Variants in SNTG1 observed in about 807,000 individuals in gnomAD.
SNTG1 encodes the protein gamma-1-syntrophin.
SNTG1 carries 39 observed loss-of-function variants against 74.7 expected under a neutral mutation model. That is an observed-to-expected ratio of 0.52 (90% CI 0.40 to 0.68). SNTG1 has a LOEUF of 0.68. Ranked by LOEUF, SNTG1 falls within the 30% of genes least tolerant of loss-of-function variation. The probability of loss-of-function intolerance (pLI) is 0.00; values close to 1 mark genes in which losing one functional copy is unlikely to be tolerated. For missense variants in SNTG1, 685 were observed against 609.5 expected, an observed-to-expected ratio of 1.12 and a Z score of -1.30; for synonymous variants, 254 against 217.1, an observed-to-expected ratio of 1.17 and a Z score of -1.49.
intron 17 of SNTG1, among the ~76,000 whole-genome samples, chr8:50,737,700 G>T (rs557783311): frequency 1.2e-4 from 19 of 152,070 alleles, no homozygotes; most frequent in Non-Finnish European, 2.8e-4. Context: ...ACATCAAAAA[G>T]CTTGTCCACC....
intron 18 of SNTG1, among the ~76,000 whole-genome samples, chr8:50,782,509 C>T (rs1187567883): frequency 1.3e-5 from 2 of 152,200 alleles, no homozygotes; most frequent in Admixed American, 1.3e-4. Context: ...GCTCCTGAGG[C>T]TTCTGCATTC....
chr8:50,172,270 T>C (rs1040920922), intron 1 of SNTG1, among the ~76,000 whole-genome samples: 7 of 152,234 alleles, frequency 4.6e-5, no homozygotes, highest in East Asian at 3.9e-4. Flanking sequence ...AAATGAAATA[T>C]CCTCTGGTAC....
intron 17 of SNTG1, among the ~76,000 whole-genome samples, chr8:50,739,217 G>GA (rs1385981980): frequency 6.6e-6 from 1 of 151,528 alleles, no homozygotes; most frequent in African/African-American, 2.4e-5. Flanking sequence ...AAATTTACAA[G>GA]AAAAAAACAA....
intron 2 of SNTG1, among the ~76,000 whole-genome samples, chr8:50,233,663 A>G (rs2085744809): frequency 6.6e-6 from 1 of 151,692 alleles, no homozygotes; most frequent in Non-Finnish European, 1.5e-5. Context: ...AACCTGATAA[A>G]GAGCCCATAT....
At chr8:50,543,711 G>T (rs889899261) in intron 11 of SNTG1, among the ~76,000 whole-genome samples, 1 of 152,076 alleles carries the variant, frequency 6.6e-6, no homozygotes, top group African/African-American at 2.4e-5. Flanking sequence ...ATGCTAAAAA[G>T]TGCAATGAAT....
At chr8:50,327,135 C>T (rs1327970012) in intron 2 of SNTG1, among the ~76,000 whole-genome samples, 1 of 151,902 alleles carries the variant, frequency 6.6e-6, no homozygotes, top group Non-Finnish European at 1.5e-5. Flanking sequence ...TGTTAATGTC[C>T]CATGTGAGCT....
At chr8:50,779,078 C>A (rs950113286) in intron 18 of SNTG1, among the ~76,000 whole-genome samples, 2 of 152,102 alleles carry the variant, frequency 1.3e-5, no homozygotes, top group Admixed American at 6.5e-5. Flanking sequence ...GTTTTGGTAC[C>A]AGTACCATGC....
chr8:50,408,612 G>T (rs1198607088), intron 4 of SNTG1, among the ~76,000 whole-genome samples: 1 of 152,152 alleles, frequency 6.6e-6, no homozygotes, highest in Non-Finnish European at 1.5e-5. Flanking sequence ...AGTGAGATGT[G>T]AGCCCAGGTA....
intron 1 of SNTG1, among the ~76,000 whole-genome samples, chr8:49,976,035 G>A (rs974661859): frequency 3.4e-4 from 52 of 152,046 alleles, no homozygotes; most frequent in Non-Finnish European, 8.8e-5. Context: ...AACTGTGATA[G>A]AGAAAGAATT....
chr8:49,966,736 A>G (rs1160262045), intron 1 of SNTG1, among the ~76,000 whole-genome samples: 1 of 152,124 alleles, frequency 6.6e-6, no homozygotes, highest in Non-Finnish European at 1.5e-5. Flanking sequence ...TAACCTATGG[A>G]AATAATTTAT....
chr8:50,653,195 G>A (rs1181623008), intron 13 of SNTG1, among the ~76,000 whole-genome samples: 1 of 151,908 alleles, frequency 6.6e-6, no homozygotes, highest in Non-Finnish European at 1.5e-5. Context: ...TGCAATCCCA[G>A]CACTTTAAAA....
chr8:49,918,640 G>A (rs562649234), intron 1 of SNTG1, among the ~76,000 whole-genome samples: 1 of 152,198 alleles, frequency 6.6e-6, no homozygotes, highest in Admixed American at 6.5e-5. Context: ...GGTGATGTAA[G>A]TCCACACACC....
chr8:50,016,577 GTAT>G (rs1816336808), intron 1 of SNTG1, among the ~76,000 whole-genome samples: 1 of 152,086 alleles, frequency 6.6e-6, no homozygotes, highest in African/African-American at 2.4e-5. Context: ...CCACTGCACT[GTAT>G]GTTCATTAGC....
chr8:50,639,532 T>A (rs1585923495), intron 13 of SNTG1, among the ~76,000 whole-genome samples: 1 of 152,146 alleles, frequency 6.6e-6, no homozygotes, highest in East Asian at 1.9e-4. Flanking sequence ...TTTTCAAATA[T>A]ATATTTGCCT....
At position 50,396,170 on chromosome 8, in the gene SNTG1, C is replaced by A. The variant is rs11988109; in HGVS notation, c.27+1905C>A. 9.3e-3 allele frequency among the ~76,000 whole-genome samples: 1,422 copies of A among 152,154 alleles called. 28 individuals are homozygous for A. Among genetic ancestry groups the A allele is most frequent in the African/African-American group, 0.032 (1,348 of 41,478 alleles). ...ATACTAGCTCTTGTAAATTAGTAAT[C>A]CTTAGTACTGAAAAGAGTGACAACC... On this transcript the variant is annotated intron_variant, in intron 3 of 18. Coordinates refer to ENST00000642720, the MANE Select transcript of SNTG1 (RefSeq NM_018967.5).
intron 17 of SNTG1, among the ~76,000 whole-genome samples, chr8:50,714,206 G>A (rs2095469711): frequency 6.6e-6 from 1 of 151,898 alleles, no homozygotes; most frequent in Admixed American, 6.6e-5. Context: ...ATCTGTTTTG[G>A]TACCAGTAAC....
intron 13 of SNTG1, among the ~76,000 whole-genome samples, chr8:50,651,326 A>G (rs1023081861): frequency 2.6e-5 from 4 of 151,780 alleles, no homozygotes; most frequent in African/African-American, 9.7e-5. Context: ...TTCCTGGATT[A>G]CAGATGTTGA....
At chr8:50,173,728 G>T (rs747203466) in intron 2 of SNTG1, among the ~76,000 whole-genome samples, 2 of 152,166 alleles carry the variant, frequency 1.3e-5, no homozygotes, top group Non-Finnish European at 2.9e-5. Context: ...AAGCCACATT[G>T]TGCTGTTTCT....
chr8:50,515,614 G>A (rs1185045056), intron 9 of SNTG1, among the ~76,000 whole-genome samples: 3 of 152,034 alleles, frequency 2.0e-5, no homozygotes, highest in Admixed American at 1.3e-4. Flanking sequence ...AAGCTTGATG[G>A]GGGGAAGGGC....
Sources: allele counts gnomAD v4.1 joint callset (sites outside exome capture counted in the v4.1 genomes callset), GRCh38; gene constraint gnomAD v4.1.1; transcripts MANE v1.5; gene names NCBI Gene and HGNC (gene_info 2026-07-23, HGNC 2026-07-21).